PSTPIP2: variants seen among roughly 807,000 people sequenced by gnomAD.
The protein encoded by PSTPIP2 is proline-serine-threonine phosphatase interacting protein 2.
PSTPIP2 carries 33 observed loss-of-function variants against 63.3 expected under a neutral mutation model. That is an observed-to-expected ratio of 0.52 (90% CI 0.40 to 0.70). The LOEUF (loss-of-function observed/expected upper bound fraction) is 0.70. PSTPIP2 is among the 30% of genes least tolerant of loss of function. PSTPIP2 has a pLI of 0.00. For missense variants in PSTPIP2, 312 were observed against 400.7 expected, an observed-to-expected ratio of 0.78 and a Z score of 1.89; for synonymous variants, 125 against 132.7, an observed-to-expected ratio of 0.94 and a Z score of 0.40.
In PSTPIP2 at chr18:46,067,473, A is replaced by T. The variant is rs1487494007; in HGVS notation, c.33+4683T>A. On this transcript the variant is annotated intron_variant, in intron 1 of 14. Coordinates refer to ENST00000409746, the MANE Select transcript of PSTPIP2 (RefSeq NM_024430.4). ...ACCCGAGATCGCACCACTGGACTCC[A>T]GCCTGGGCAACAGGGCGAGACTCTG... is the stretch of plus-strand genomic sequence containing the variant. Among the ~76,000 whole-genome samples the T allele has an allele frequency of 2.0e-5, 3 of 147,360 alleles. No homozygotes were observed. The East Asian group carries it at 5.9e-4, about 29-fold the overall frequency.
At chr18:45,987,904 C>T (rs2051483924) in intron 14 of PSTPIP2, among the ~76,000 whole-genome samples, 1 of 152,182 alleles carries the variant, frequency 6.6e-6, no homozygotes, top group African/African-American at 2.4e-5. Context: ...TAAGAATCCT[C>T]ATGGTTTGCT....
chr18:45,990,420 GT>G (rs1029537277), intron 13 of PSTPIP2, among the ~76,000 whole-genome samples: 3 of 140,058 alleles, frequency 2.1e-5, no homozygotes, highest in African/African-American at 6.1e-5. Context: ...GTTTTTTGGG[GT>G]TTTTTTGTTT....
intron 1 of PSTPIP2, among the ~76,000 whole-genome samples, chr18:46,071,066 C>T (rs973977831): frequency 6.6e-6 from 1 of 152,246 alleles, no homozygotes; most frequent in Non-Finnish European, 1.5e-5. Context: ...ACCCTGCACC[C>T]TAGGGTGAGT....
intron 6 of PSTPIP2, among the ~76,000 whole-genome samples, chr18:46,002,798 A>C (rs2051681515): frequency 6.6e-6 from 1 of 152,218 alleles, no homozygotes; most frequent in Non-Finnish European, 1.5e-5. Context: ...ATCTCAAAAA[A>C]AGTGTCTTTG....
intron 2 of PSTPIP2, chr18:46,028,805 A>C (rs1291438611): frequency 1.4e-6 from 2 of 1,436,094 alleles, no homozygotes; most frequent in Non-Finnish European, 2.0e-6. Flanking sequence ...GCAGAGACTA[A>C]TAAGCTGAAA....
chr18:46,028,942 GC>G, intron 2 of PSTPIP2: 1 of 1,304,150 alleles, frequency 7.7e-7, no homozygotes, highest in Non-Finnish European at 1.1e-6. Flanking sequence ...GCATGGTAAT[GC>G]TGAACGTCCT....
At chr18:46,008,243 G>C (rs2051752921) in intron 5 of PSTPIP2, among the ~76,000 whole-genome samples, 8 of 152,176 alleles carry the variant, frequency 5.3e-5, no homozygotes, top group Admixed American at 5.2e-4. Context: ...ATAACCCTGA[G>C]AGAGACTATT....
rs553720042 is a variant in PSTPIP2 at position 46,033,145 on chromosome 18, A to T, written c.134+6802T>A. 2.6e-5 allele frequency among the ~76,000 whole-genome samples: 4 copies of T among 152,340 alleles called. No homozygotes were observed. In the East Asian group the frequency reaches 7.7e-4, roughly 29 times the overall value. On this transcript the variant is annotated intron_variant, in intron 2 of 14. Coordinates refer to ENST00000409746, the MANE Select transcript of PSTPIP2 (RefSeq NM_024430.4). ...GCCTTGAATAATATCAGCACTGGCCAGTGAGGAAGCCAGGATTAGAAGGCC... is the reference window on the plus strand; with the variant it reads ...GCCTTGAATAATATCAGCACTGGCCTGTGAGGAAGCCAGGATTAGAAGGCC...
In PSTPIP2 at chr18:46,034,001, A is replaced by G. The variant is rs538596976; in HGVS notation, c.134+5946T>C. On this transcript the variant is annotated intron_variant, in intron 2 of 14. Transcript: ENST00000409746. ...CAGTCCTAAAAAACTAATATGGTAC[A>G]TAATGGCTTGACAACTTGACCAGCT... Among the ~76,000 whole-genome samples the G allele has an allele frequency of 8.5e-4, 129 of 152,354 alleles. 1 individual carries two copies. The highest frequency in any genetic ancestry group is 3.0e-3 in the African/African-American group (124 of 41,596).
At chr18:45,998,977 T>A (rs1397693074) in intron 7 of PSTPIP2, 138 bp from the exon 8 acceptor site, 1 of 832,790 alleles carries the variant, frequency 1.2e-6, no homozygotes, top group Non-Finnish European at 1.9e-6. Context: ...ATTTCCCTCA[T>A]GAGCAAATCA....
At chr18:46,034,952 T>TA (rs1425751131) in intron 2 of PSTPIP2, among the ~76,000 whole-genome samples, 1 of 152,214 alleles carries the variant, frequency 6.6e-6, no homozygotes, top group African/African-American at 2.4e-5. Context: ...ACCCTATTTT[T>TA]ATAGTTCTCA....
At position 46,062,406 on chromosome 18, in the gene PSTPIP2, C is replaced by T. The variant is rs531286955; in HGVS notation, c.33+9750G>A. Among the ~76,000 whole-genome samples, 5 of 151,900 alleles carry T rather than the reference C, an allele frequency of 3.3e-5. No individual in the cohort carries two copies. In the South Asian group the frequency reaches 8.3e-4, roughly 25 times the overall value. On this transcript the variant is annotated intron_variant, in intron 1 of 14. Coordinates refer to ENST00000409746, the MANE Select transcript of PSTPIP2 (RefSeq NM_024430.4). ...CTGTAATCCCAGCACTTTAGGAGGCCGAGGTGGGTGGATCATGTGAGGTCA... is the reference window on the plus strand; with the variant it reads ...CTGTAATCCCAGCACTTTAGGAGGCTGAGGTGGGTGGATCATGTGAGGTCA...
rs1034860915 is a variant in PSTPIP2, at chr18:46,063,028, C to T, written c.33+9128G>A. ...AAAGACAGTATTTTTAGTGAGACAG[C>T]GTCTTGCTCTGTCATCCAGGTTGCA... On this transcript the variant is annotated intron_variant, in intron 1 of 14. Transcript: ENST00000409746. 5.3e-5 allele frequency among the ~76,000 whole-genome samples: 8 copies of T among 152,188 alleles called. No homozygotes were observed. In the East Asian group the frequency reaches 5.8e-4, roughly 11 times the overall value.
At chr18:45,989,979 T>C (rs901812535) in intron 13 of PSTPIP2, 3 of 152,230 alleles carry the variant, frequency 2.0e-5, no homozygotes, top group African/African-American at 2.4e-5. Flanking sequence ...AGATGTGTAC[T>C]TCTCCCAGAG....
chr18:45,993,873 GAATGCA>G (rs1319938131), intron 9 of PSTPIP2, 170 bp from the exon 10 acceptor site: 1 of 611,270 alleles, frequency 1.6e-6, no homozygotes, highest in Non-Finnish European at 2.9e-6. Flanking sequence ...ATATCACAAA[GAATGCA>G]AACAAATCCT....
At chr18:46,040,494 GT>G (rs1187729951) in intron 1 of PSTPIP2, among the ~76,000 whole-genome samples, 2 of 152,188 alleles carry the variant, frequency 1.3e-5, no homozygotes, top group Non-Finnish European at 2.9e-5. Flanking sequence ...GGATAAGGAA[GT>G]TCCACAAATT....
At chr18:46,024,423 C>G (rs1415746194) in intron 3 of PSTPIP2, among the ~76,000 whole-genome samples, 186 bp downstream of exon 3, 1 of 152,154 alleles carries the variant, frequency 6.6e-6, no homozygotes, top group Non-Finnish European at 1.5e-5. Flanking sequence ...GAGGCATGAG[C>G]CACTGCGCCT....
intron 1 of PSTPIP2, among the ~76,000 whole-genome samples, chr18:46,068,438 C>T (rs947299708): frequency 6.6e-6 from 1 of 152,104 alleles, no homozygotes; most frequent in Non-Finnish European, 1.5e-5. Context: ...GCTGGGACTA[C>T]AGGCGCCCAC....
At chr18:45,985,855 C>T (rs2051461697) in intron 14 of PSTPIP2, among the ~76,000 whole-genome samples, 1 of 151,580 alleles carries the variant, frequency 6.6e-6, no homozygotes, top group African/African-American at 2.4e-5. Context: ...CAGCTCACTG[C>T]AACCCCCGCC....
Sources: gnomAD v4.1 joint callset for allele counts (sites outside exome capture counted in the v4.1 genomes callset) on GRCh38, gnomAD v4.1.1 for gene constraint, MANE v1.5 for transcripts, NCBI Gene and HGNC (gene_info 2026-07-23, HGNC 2026-07-21) for gene names.